ARHGEF4: variants seen among roughly 807,000 people sequenced by gnomAD.
ARHGEF4 encodes the protein Rho guanine nucleotide exchange factor 4, also known as APC-stimulated guanine nucleotide exchange factor 1.
A neutral mutation model predicts 162.0 loss-of-function variants in ARHGEF4; 119 were observed. The observed-to-expected ratio is 0.73, with a 90% CI of 0.63 to 0.86. ARHGEF4 has a LOEUF of 0.86. Ranked by LOEUF, ARHGEF4 falls within the 40% of genes least tolerant of loss-of-function variation. The pLI is 0.00. For missense variants in ARHGEF4, 2,488 were observed against 2,456.0 expected (o/e 1.01, Z -0.28); for synonymous variants, 1,014 against 979.9 (o/e 1.03, Z -0.65).
chr2:130,849,217 G>A (rs79593404), intron 1 of ARHGEF4, among the ~76,000 whole-genome samples: 1,841 of 152,322 alleles, frequency 0.012, 37 homozygotes, highest in African/African-American at 0.042. Flanking sequence ...AAAGAGTAAC[G>A]GGAGAGTGAT....
intron 2 of ARHGEF4, among the ~76,000 whole-genome samples, chr2:130,927,880 C>T (rs1682391817): frequency 6.6e-6 from 1 of 152,134 alleles, no homozygotes; most frequent in Non-Finnish European, 1.5e-5. Flanking sequence ...TGTGTCTATG[C>T]CATCTTGTCC....
At chr2:130,855,958 AAAAT>A (rs1681753148) in intron 1 of ARHGEF4, among the ~76,000 whole-genome samples, 2 of 152,242 alleles carry the variant, frequency 1.3e-5, no homozygotes, top group South Asian at 4.1e-4. Context: ...AACAAAACAA[AAAAT>A]AAAAGACAGG....
At position 131,040,342 on chromosome 2, in the gene ARHGEF4, A is replaced by G; in HGVS notation, c.4564A>G (p.Ile1522Val). Residue 1522 changes from isoleucine to valine, a missense_variant, in exon 8 of 14, where the codon ATC becomes GTC. This residue lies in a region of ARHGEF4 where 415 missense variants were observed against 512.4 expected (regional missense o/e 0.81). Transcript: ENST00000409359. ...LRTIFGNIED[I>V]YRCQKAFVKA... ...TACCATCTTCGGGAACATCGAGGAC[A>G]TCTACCGCTGCCAGAAGGCCTTCGT... 1 of 1,612,472 alleles carries G rather than the reference A, an allele frequency of 6.2e-7. No individual in the cohort carries two copies. Among genetic ancestry groups the G allele is most frequent in the South Asian group, 1.1e-5 (1 of 90,956 alleles).
chr2:130,941,339 G>A (rs770433226), intron 3 of ARHGEF4, among the ~76,000 whole-genome samples: 2 of 151,856 alleles, frequency 1.3e-5, no homozygotes, highest in Non-Finnish European at 2.9e-5. Context: ...GAGTAGCTAG[G>A]ATTACGGGTG....
At chr2:130,988,889 T>TAGAG (rs1397983934) in intron 4 of ARHGEF4, among the ~76,000 whole-genome samples, 24 of 116,448 alleles carry the variant, frequency 2.1e-4, no homozygotes, top group African/African-American at 5.3e-4. Flanking sequence ...TATATATATA[T>TAGAG]ATATATATAT....
rs770197202 is a variant in ARHGEF4 at position 131,046,121 on chromosome 2, G to A, written c.5563G>A (p.Ala1855Thr). The A allele has an allele frequency of 6.2e-7, 1 of 1,612,836 alleles. No homozygotes were observed. ...NRPQQQVLVL[A>T]EPRRKPSTFW... Reference sequence around the variant, plus strand: ...GCCCCAGCAGCAGGTCCTGGTGCTGGCGGAGCCCAGGCGCAAGCCATCTAC... The same window carrying A: ...GCCCCAGCAGCAGGTCCTGGTGCTGACGGAGCCCAGGCGCAAGCCATCTAC... Residue 1855 changes from alanine (A) to threonine (T), a missense_variant, in exon 14 of 14, where the codon GCG (alanine) becomes ACG (threonine). By Grantham distance (58) the Ala-to-Thr change is moderately conservative (BLOSUM62 0). This residue lies in a region of ARHGEF4 where 415 missense variants were observed against 512.4 expected (regional missense o/e 0.81). Transcript: ENST00000409359.
At chr2:130,955,492 C>T (rs187590439) in intron 4 of ARHGEF4, among the ~76,000 whole-genome samples, 3 of 152,184 alleles carry the variant, frequency 2.0e-5, no homozygotes, top group Admixed American at 1.3e-4. Flanking sequence ...TTTCCCTTCC[C>T]GTGGGGTTAA....
intron 9 of ARHGEF4, 146 bp from the exon 10 acceptor site, chr2:131,041,669 G>A: frequency 8.0e-7 from 1 of 1,243,552 alleles, no homozygotes; most frequent in Non-Finnish European, 1.1e-6. Flanking sequence ...TTATGGAGAA[G>A]AGAGGGGCTG....
intron 4 of ARHGEF4, among the ~76,000 whole-genome samples, chr2:130,981,657 CAAAAAAA>C (rs1293791852): frequency 2.7e-5 from 2 of 74,640 alleles, no homozygotes; most frequent in South Asian, 9.2e-4. Context: ...GACTCCATCT[CAAAAAAA>C]AAAAAAAAGA....
intron 4 of ARHGEF4, among the ~76,000 whole-genome samples, chr2:130,959,125 A>G (rs767640324): frequency 1.1e-4 from 16 of 151,818 alleles, no homozygotes; most frequent in Middle Eastern, 3.2e-3. Context: ...TATTTTTAGT[A>G]GAGATGGGGT....
At chr2:130,927,694 G>A (rs200984623) in intron 2 of ARHGEF4, among the ~76,000 whole-genome samples, 2 of 151,910 alleles carry the variant, frequency 1.3e-5, no homozygotes, top group African/African-American at 4.8e-5. Context: ...ATGTATGAGT[G>A]GTATATATGC....
chr2:130,866,222 T>A (rs922965415), intron 1 of ARHGEF4, among the ~76,000 whole-genome samples: 1 of 151,856 alleles, frequency 6.6e-6, no homozygotes, highest in Non-Finnish European at 1.5e-5. Context: ...CAAAAAAAAA[T>A]TTGTTTTAAT....
chr2:130,905,180 G>C (rs570128908), intron 1 of ARHGEF4, among the ~76,000 whole-genome samples: 1 of 151,808 alleles, frequency 6.6e-6, no homozygotes, highest in Non-Finnish European at 1.5e-5. Flanking sequence ...CAAAATTATC[G>C]CACATTCTCT....
At chr2:130,960,701 G>A (rs1195343355) in intron 4 of ARHGEF4, among the ~76,000 whole-genome samples, 1 of 152,068 alleles carries the variant, frequency 6.6e-6, no homozygotes, top group East Asian at 1.9e-4. Flanking sequence ...TAAGCTTTAT[G>A]GGGACGGAAT....
chr2:130,917,005 C>T lies in ARHGEF4; in HGVS notation c.3059C>T (p.Pro1020Leu). 6.4e-7 allele frequency: 1 copy of T among 1,550,956 alleles called. No homozygotes were observed. Among genetic ancestry groups the T allele is most frequent in the Non-Finnish European group, 8.7e-7 (1 of 1,147,066 alleles). ...CCTTTGTCCTCCAGTTTAGTTTCTC[C>T]AGAACACAGGAGGAAAAGTGAACCG... ...STPLSSSLVS[P>L]EHRRKSEPTI... The change falls in exon 2 of 14, where the codon CCA (proline) becomes CTA (leucine). Residue 1020 changes from proline (P) to leucine (L), a missense_variant. Pro to Leu is a moderately conservative substitution (Grantham distance 98, BLOSUM62 -3). Around this residue, in one of 6 missense-constraint regions of ARHGEF4, gnomAD observed 1,642 missense variants for 1,481.5 expected, o/e 1.11. Coordinates refer to ENST00000409359, the MANE Select transcript of ARHGEF4 (RefSeq NM_001367493.1).
chr2:130,842,913 G>T (rs1174412934), intron 1 of ARHGEF4, among the ~76,000 whole-genome samples: 2 of 152,176 alleles, frequency 1.3e-5, no homozygotes, highest in African/African-American at 4.8e-5. Context: ...GTGCAGGGAT[G>T]AAGGGGGCGA....
chr2:131,040,057 T>A lies in ARHGEF4; in HGVS notation c.4347T>A (p.Pro1449=). The change falls in exon 7 of 14, where the codon CCT becomes CCA. Residue 1449 remains proline, a synonymous_variant. Coordinates refer to ENST00000409359, the MANE Select transcript of ARHGEF4 (RefSeq NM_001367493.1). ...ACGAGCCCGCGGATGACGACGCCCC[T>A]CTGGCCGGGAACAGCGGAGCGGAGG... The part of the protein sequence containing the change: ...NQDEPADDDA[P]LAGNSGAEDG... 1 of 1,588,418 alleles carries A rather than the reference T, an allele frequency of 6.3e-7. No homozygotes were observed. Among genetic ancestry groups the A allele is most frequent in the Non-Finnish European group, 8.6e-7 (1 of 1,168,322 alleles).
chr2:131,032,927 A>T, intron 5 of ARHGEF4, among the ~76,000 whole-genome samples: 1 of 138,022 alleles, frequency 7.2e-6, no homozygotes. Flanking sequence ...ATCTTGGCTC[A>T]TTGCAACCTC....
intron 4 of ARHGEF4, among the ~76,000 whole-genome samples, chr2:130,959,903 C>T (rs1030486148): frequency 1.3e-5 from 2 of 152,142 alleles, no homozygotes; most frequent in African/African-American, 4.8e-5. Context: ...AGCTTTGATC[C>T]CATTCTGTTT....
Sources: allele counts gnomAD v4.1 joint callset (sites outside exome capture counted in the v4.1 genomes callset), GRCh38; gene constraint gnomAD v4.1.1; regional missense constraint gnomAD v4.1.1; transcripts MANE v1.5; gene names NCBI Gene and HGNC (gene_info 2026-07-23, HGNC 2026-07-21).